Variants in SGF29 observed in about 807,000 individuals in gnomAD.
SGF29 encodes the protein SAGA complex associated factor 29, also known as SAGA-associated factor 29.
A neutral mutation model predicts 38.1 loss-of-function variants in SGF29; 15 were observed. The ratio of observed to expected loss-of-function variants is 0.39; its 90% CI spans 0.26 to 0.61. The LOEUF is 0.61. Ranked by LOEUF, SGF29 falls within the 20% of genes least tolerant of loss-of-function variation. SGF29 has a pLI of 0.49. For synonymous variants in SGF29, 151 were observed against 160.8 expected, an observed-to-expected ratio of 0.94 and a Z score of 0.46; for missense variants, 184 against 394.6, an observed-to-expected ratio of 0.47 and a Z score of 4.52.
In SGF29 at chr16:28,589,104, C is replaced by T. The variant is rs749137032; in HGVS notation, c.229C>T (p.Leu77Phe). ...CTCCCTTCTCCCCGCCCTCAGCATC[C>T]TTCGGAAAGCTCTGGACAAGATCGC... ...KADAEAECNI[L>F]RKALDKIAEI... Residue 77 changes from leucine to phenylalanine, a missense_variant, in exon 5 of 10, where the codon CTT becomes TTT. Transcript: ENST00000317058. The T allele has an allele frequency of 6.2e-6, 10 of 1,614,180 alleles. No homozygotes were observed. The highest frequency in any genetic ancestry group is 2.2e-5 in the East Asian group (1 of 44,882).
rs532894356 is a variant in SGF29 at position 28,579,319 on chromosome 16, G to A, written c.-15-1736G>A. ...TGTCGCCAGGCTGGAGTGCAGTGGC[G>A]TGATCTCGGCGCACTGCAACCTCCA... On this transcript the variant is annotated intron_variant, in intron 1 of 9. Coordinates refer to ENST00000317058, the MANE Select transcript of SGF29 (RefSeq NM_138414.3). Among the ~76,000 whole-genome samples the A allele has an allele frequency of 2.9e-4, 43 of 146,344 alleles. 1 individual carries two copies. Among genetic ancestry groups the A allele is most frequent in the Middle Eastern group, 3.2e-3 (1 of 308 alleles).
chr16:28,586,608 T>C (rs952830205), intron 4 of SGF29, among the ~76,000 whole-genome samples: 1 of 152,170 alleles, frequency 6.6e-6, no homozygotes, highest in Non-Finnish European at 1.5e-5. Flanking sequence ...TCCTCTACTT[T>C]GAGAACACAC....
intron 4 of SGF29, among the ~76,000 whole-genome samples, chr16:28,588,138 T>A (rs565262991): frequency 6.6e-6 from 1 of 152,240 alleles, no homozygotes; most frequent in South Asian, 2.1e-4. Flanking sequence ...TCCCTGAGCT[T>A]TAGGATGAAG....
Position 28,577,854 on chromosome 16 carries a change from T to C in SGF29, c.-15-3201T>C, listed in dbSNP as rs1041502363. The stretch of plus-strand genomic sequence containing the variant: ...TCTTTTACATGTGGATATTCAGTTG[T>C]CCCAGTACCATTTGTTGAAAAGATT... On this transcript the variant is annotated intron_variant, in intron 1 of 9. Coordinates refer to ENST00000317058, the MANE Select transcript of SGF29 (RefSeq NM_138414.3). Among the ~76,000 whole-genome samples the C allele has an allele frequency of 1.2e-3, 178 of 152,354 alleles. 3 individuals are homozygous for C. Among genetic ancestry groups the C allele is most frequent in the Admixed American group, 0.012 (178 of 15,288 alleles).
intron 1 of SGF29, among the ~76,000 whole-genome samples, chr16:28,576,980 C>A (rs2046898104): frequency 6.6e-6 from 1 of 152,122 alleles, no homozygotes; most frequent in South Asian, 2.1e-4. Flanking sequence ...TCGAGACCGG[C>A]CTGGCTAACA....
In SGF29 at chr16:28,570,766, C is replaced by T. The variant is rs926036178; in HGVS notation, c.-15-10289C>T. 2.6e-5 allele frequency among the ~76,000 whole-genome samples: 4 copies of T among 151,774 alleles called. No individual in the cohort carries two copies. The East Asian group carries it at 7.7e-4, about 29-fold the overall frequency. On this transcript the variant is annotated intron_variant, in intron 1 of 9. Transcript: ENST00000317058. ...CTAATTTTTGTATTTTTAGTAGAGACAGGGTTTCACCATGTTGGCCAGGCT... is the reference window on the plus strand; with the variant it reads ...CTAATTTTTGTATTTTTAGTAGAGATAGGGTTTCACCATGTTGGCCAGGCT...
At chr16:28,584,735 G>A (rs971063577) in intron 2 of SGF29, among the ~76,000 whole-genome samples, 178 bp from the exon 3 acceptor site, 1 of 149,456 alleles carries the variant, frequency 6.7e-6, no homozygotes, top group Non-Finnish European at 1.5e-5. Flanking sequence ...CTTGCAGTGA[G>A]CCGAGATCGT....
chr16:28,556,262 C>T (rs1449218434), intron 1 of SGF29, among the ~76,000 whole-genome samples: 5 of 152,108 alleles, frequency 3.3e-5, no homozygotes, highest in South Asian at 2.1e-4. Context: ...CTCTGCCTCC[C>T]GGGTTCAAGT....
chr16:28,564,724 TATAC>T (rs1331185867), intron 1 of SGF29, among the ~76,000 whole-genome samples: 2 of 79,494 alleles, frequency 2.5e-5, no homozygotes, highest in African/African-American at 1.0e-4. Flanking sequence ...TATGTATATA[TATAC>T]ATATATATGT....
chr16:28,590,734 C>T lies in SGF29; in HGVS notation c.603-39C>T, dbSNP rs1379496342. ...CCTAACAGCTGAGAAGGAGCATCCC[C>T]ACCCGGCCACAGGTTGATATAAGCC... On this transcript the variant is annotated intron_variant, in intron 8 of 9. Transcript: ENST00000317058. This position sits in a 1 kb window ranked among gnomAD's most constrained non-coding sequence, Gnocchi z 8.2. The T allele has an allele frequency of 6.2e-7, 1 of 1,614,052 alleles. No homozygotes were observed. Among genetic ancestry groups the T allele is most frequent in the Admixed American group, 1.7e-5 (1 of 60,004 alleles).
intron 1 of SGF29, among the ~76,000 whole-genome samples, chr16:28,565,304 C>G (rs994866647): frequency 1.3e-5 from 2 of 152,148 alleles, no homozygotes; most frequent in Non-Finnish European, 2.9e-5. Context: ...GCCGTCTAGG[C>G]ATCCCTCAAT....
At chr16:28,575,290 G>A (rs1478534304) in intron 1 of SGF29, among the ~76,000 whole-genome samples, 2 of 152,152 alleles carry the variant, frequency 1.3e-5, no homozygotes, top group Non-Finnish European at 2.9e-5. Context: ...AAACAGTGTC[G>A]TACATGTGGG....
chr16:28,576,748 C>T lies in SGF29; in HGVS notation c.-15-4307C>T, dbSNP rs185591424. Among the ~76,000 whole-genome samples the T allele has an allele frequency of 4.5e-4, 68 of 152,284 alleles. 1 individual carries two copies. Among genetic ancestry groups the T allele is most frequent in the African/African-American group, 1.3e-3 (54 of 41,568 alleles). Reference sequence around the variant, plus strand: ...TGCCCACACAAAAACCTGTACACAACGCTCATAGCAGCATTATTCATAATA... The same window carrying T: ...TGCCCACACAAAAACCTGTACACAATGCTCATAGCAGCATTATTCATAATA... On this transcript the variant is annotated intron_variant, in intron 1 of 9. Transcript: ENST00000317058.
chr16:28,569,047 C>CAT (rs1324578429), intron 1 of SGF29, among the ~76,000 whole-genome samples: 1 of 152,118 alleles, frequency 6.6e-6, no homozygotes, highest in Non-Finnish European at 1.5e-5. Flanking sequence ...GAGATCACAC[C>CAT]ATTACACTCC....
chr16:28,580,785 G>A (rs565348442), intron 1 of SGF29, among the ~76,000 whole-genome samples: 4 of 152,254 alleles, frequency 2.6e-5, no homozygotes, highest in East Asian at 1.9e-4. Flanking sequence ...AGGGCCTAGC[G>A]ATCCACTCAC....
At chr16:28,564,709 A>AGTGTG (rs2046821300) in intron 1 of SGF29, among the ~76,000 whole-genome samples, 1 of 66,350 alleles carries the variant, frequency 1.5e-5, no homozygotes, top group Non-Finnish European at 2.8e-5. Flanking sequence ...ATATATATAC[A>AGTGTG]TATATATGTA....
At chr16:28,581,845 G>C (rs1365113252) in intron 2 of SGF29, among the ~76,000 whole-genome samples, 3 of 151,812 alleles carry the variant, frequency 2.0e-5, no homozygotes. Flanking sequence ...CTTGAACTCG[G>C]GAGGCAGAGG....
chr16:28,570,714 A>G (rs1249134152), intron 1 of SGF29, among the ~76,000 whole-genome samples: 3 of 151,892 alleles, frequency 2.0e-5, no homozygotes, highest in Non-Finnish European at 4.4e-5. Flanking sequence ...GAGTAGCTGA[A>G]TTACAGGTGC....
chr16:28,560,239 G>A (rs1162448225), intron 1 of SGF29, among the ~76,000 whole-genome samples: 1 of 147,736 alleles, frequency 6.8e-6, no homozygotes, highest in Admixed American at 6.8e-5. Context: ...AAAAAACCAC[G>A]AAAATTTTAA....
Sources: gnomAD v4.1 joint callset for allele counts (sites outside exome capture counted in the v4.1 genomes callset) on GRCh38, gnomAD v4.1.1 for gene constraint, Gnocchi (gnomAD v3.1) non-coding constraint, MANE v1.5 for transcripts, NCBI Gene and HGNC (gene_info 2026-07-23, HGNC 2026-07-21) for gene names.